Variants in GALNT13 observed in about 807,000 individuals in gnomAD.
The protein encoded by GALNT13 is UDP-GalNAc:polypeptide N-acetylgalactosaminyltransferase 13.
Under a neutral mutation model 64.2 loss-of-function variants are expected in GALNT13, and 28 were observed. The ratio of observed to expected loss-of-function variants is 0.44; its 90% CI spans 0.32 to 0.60. GALNT13 has a LOEUF of 0.60. Ranked by LOEUF, GALNT13 falls within the 20% of genes least tolerant of loss-of-function variation. The pLI is 0.05. For synonymous variants in GALNT13, 214 were observed against 224.6 expected (o/e 0.95, Z 0.42); for missense variants, 577 against 669.8 (o/e 0.86, Z 1.53).
chr2:154,001,703 G>A (rs1242076530), intron 3 of GALNT13, among the ~76,000 whole-genome samples: 1 of 151,876 alleles, frequency 6.6e-6, no homozygotes. Flanking sequence ...GTGGTTTACA[G>A]GCCACAATTA....
chr2:153,341,844 G>A, the GALNT13 span, among the ~76,000 whole-genome samples: 2 of 152,252 alleles, frequency 1.3e-5, no homozygotes, highest in Admixed American at 6.5e-5. Flanking sequence ...ACTTTCCCCA[G>A]GGTATTAATT....
the GALNT13 span, among the ~76,000 whole-genome samples, chr2:153,375,749 C>G: frequency 6.6e-6 from 1 of 152,064 alleles, no homozygotes; most frequent in Non-Finnish European, 1.5e-5. Context: ...GGAGTTGATC[C>G]CTCAGCTGAG....
intron 3 of GALNT13, among the ~76,000 whole-genome samples, chr2:154,138,920 A>G (rs1558980318): frequency 6.6e-6 from 1 of 151,938 alleles, no homozygotes; most frequent in African/African-American, 2.4e-5. Flanking sequence ...CATTGTTTCT[A>G]TTTTTGCTTT....
the GALNT13 span, among the ~76,000 whole-genome samples, chr2:153,101,437 C>T: frequency 3.9e-5 from 6 of 152,156 alleles, no homozygotes; most frequent in South Asian, 2.1e-4. Flanking sequence ...GTCAGGCATA[C>T]GCTGTTTGTT....
the GALNT13 span, among the ~76,000 whole-genome samples, chr2:153,100,097 T>C: frequency 6.6e-6 from 1 of 152,204 alleles, no homozygotes; most frequent in Non-Finnish European, 1.5e-5. Flanking sequence ...GAAGAGATTA[T>C]TTTGAAAGGA....
At chr2:153,437,512 G>A in the GALNT13 span, among the ~76,000 whole-genome samples, 2 of 152,176 alleles carry the variant, frequency 1.3e-5, no homozygotes, top group Admixed American at 6.5e-5. Flanking sequence ...GGGTGCTCCT[G>A]TATTGGGTGC....
chr2:153,812,605 A>G, the GALNT13 span, among the ~76,000 whole-genome samples: 1 of 152,218 alleles, frequency 6.6e-6, no homozygotes, highest in Non-Finnish European at 1.5e-5. Flanking sequence ...ACAACACAAT[A>G]GAGGGAAGAG....
chr2:154,045,986 C>T (rs1409370266), intron 3 of GALNT13, among the ~76,000 whole-genome samples: 1 of 149,584 alleles, frequency 6.7e-6, no homozygotes, highest in African/African-American at 2.5e-5. Flanking sequence ...TTTTTCCGAT[C>T]TAGTGGAGAG....
At chr2:154,287,858 C>T (rs1692362187) in intron 8 of GALNT13, among the ~76,000 whole-genome samples, 1 of 151,962 alleles carries the variant, frequency 6.6e-6, no homozygotes, top group Non-Finnish European at 1.5e-5. Flanking sequence ...GGATTCAGTA[C>T]CTTAGATAAA....
At chr2:153,600,457 G>T in the GALNT13 span, among the ~76,000 whole-genome samples, 1 of 151,928 alleles carries the variant, frequency 6.6e-6, no homozygotes, top group Non-Finnish European at 1.5e-5. Context: ...AGGCTTAAAA[G>T]GAAGTGTTTG....
intron 3 of GALNT13, among the ~76,000 whole-genome samples, chr2:153,958,241 G>T (rs990484693): frequency 6.6e-6 from 1 of 152,078 alleles, no homozygotes; most frequent in African/African-American, 2.4e-5. Flanking sequence ...CTGAGAGTTG[G>T]GAGACTGAGG....
intron 7 of GALNT13, among the ~76,000 whole-genome samples, chr2:154,249,473 T>A (rs1235327735): frequency 6.6e-6 from 1 of 152,184 alleles, no homozygotes; most frequent in African/African-American, 2.4e-5. Context: ...ATTGCTTTAG[T>A]CTCTTAATTA....
intron 9 of GALNT13, among the ~76,000 whole-genome samples, chr2:154,364,546 C>T (rs2105293775): frequency 2.0e-5 from 3 of 152,270 alleles, no homozygotes; most frequent in Middle Eastern, 6.8e-3. Flanking sequence ...GAAATCAGAC[C>T]TTTCTTAAAA....
At chr2:154,175,083 T>G (rs1685574594) in intron 4 of GALNT13, among the ~76,000 whole-genome samples, 1 of 152,164 alleles carries the variant, frequency 6.6e-6, no homozygotes, top group Admixed American at 6.6e-5. Flanking sequence ...TTTTGTTAAT[T>G]TGATTAGACG....
At chr2:153,139,280 C>T in the GALNT13 span, among the ~76,000 whole-genome samples, 3 of 151,992 alleles carry the variant, frequency 2.0e-5, no homozygotes, top group Admixed American at 6.6e-5. Context: ...CTAAGAATAT[C>T]TTCATGATTG....
chr2:154,262,951 G>A (rs1338782442), intron 8 of GALNT13, among the ~76,000 whole-genome samples: 2 of 152,030 alleles, frequency 1.3e-5, no homozygotes, highest in East Asian at 1.9e-4. Flanking sequence ...CGTGTTTCAG[G>A]ATAAGTATCA....
chr2:154,288,608 G>A (rs1174680879), intron 8 of GALNT13, among the ~76,000 whole-genome samples: 1 of 152,184 alleles, frequency 6.6e-6, no homozygotes, highest in East Asian at 1.9e-4. Flanking sequence ...TTCCAAATAG[G>A]AGAAATTGGC....
chr2:154,100,024 A>G (rs980764490), intron 3 of GALNT13, among the ~76,000 whole-genome samples: 67 of 152,062 alleles, frequency 4.4e-4, no homozygotes, highest in African/African-American at 1.6e-3. Context: ...AGCTATAGTT[A>G]TGTGGCTTTA....
chr2:153,813,869 T>C, the GALNT13 span, among the ~76,000 whole-genome samples: 1 of 152,216 alleles, frequency 6.6e-6, no homozygotes, highest in Admixed American at 6.5e-5. Context: ...TTTTCTAGTT[T>C]GCATATTGCC....
Sources: gnomAD v4.1 joint callset for allele counts (sites outside exome capture counted in the v4.1 genomes callset) on GRCh38, gnomAD v4.1.1 for gene constraint, MANE v1.5 for transcripts, NCBI Gene and HGNC (gene_info 2026-07-23, HGNC 2026-07-21) for gene names.